The following ME3 variants were observed in gnomAD, a reference collection of about 807,000 sequenced individuals.
The protein encoded by ME3 is NADP-dependent malic enzyme, mitochondrial.
In ME3, 48 loss-of-function variants were observed where a neutral mutation model predicts 68.9. That is an observed-to-expected ratio of 0.70 (90% confidence interval 0.55 to 0.89). The LOEUF (loss-of-function observed/expected upper bound fraction) is 0.89, where lower values mean the gene tolerates loss of function less well. Among genes scored for constraint, ME3 ranks in the 40% least tolerant of loss-of-function variants. The pLI is 0.00. For synonymous variants in ME3, 320 were observed against 318.8 expected (o/e 1.00, Z -0.04); for missense variants, 675 against 797.4 (o/e 0.85, Z 1.85).
intron 2 of ME3, among the ~76,000 whole-genome samples, chr11:86,621,283 T>G (rs1423857355): frequency 6.6e-6 from 1 of 152,244 alleles, no homozygotes; most frequent in Non-Finnish European, 1.5e-5. Flanking sequence ...AATCCAGGCC[T>G]AAGGCCAGTA....
chr11:86,601,057 GC>G (rs1433307678), intron 2 of ME3, among the ~76,000 whole-genome samples: 1 of 151,922 alleles, frequency 6.6e-6, no homozygotes, highest in East Asian at 1.9e-4. Flanking sequence ...AAAAGGAAGA[GC>G]AAACACATTC....
At chr11:86,447,012 T>C in intron 12 of ME3, 53 bp downstream of exon 12, 1 of 1,591,870 alleles carries the variant, frequency 6.3e-7, no homozygotes, top group East Asian at 2.2e-5. Context: ...GGTTACTCAT[T>C]GTAATTGTTA....
intron 2 of ME3, among the ~76,000 whole-genome samples, chr11:86,584,095 T>C (rs1310259977): frequency 6.6e-6 from 1 of 152,150 alleles, no homozygotes; most frequent in Non-Finnish European, 1.5e-5. Flanking sequence ...CCAAAATATA[T>C]AAGGAACTCT....
chr11:86,576,494 TG>T (rs1188892409), intron 2 of ME3, among the ~76,000 whole-genome samples: 1 of 152,094 alleles, frequency 6.6e-6, no homozygotes, highest in Non-Finnish European at 1.5e-5. Context: ...AATCTCAGAG[TG>T]GGGCTCAGGA....
chr11:86,467,228 T>C (rs1555203924), intron 7 of ME3, among the ~76,000 whole-genome samples: 2 of 152,178 alleles, frequency 1.3e-5, no homozygotes, highest in Non-Finnish European at 1.5e-5. Flanking sequence ...AATACAGTAT[T>C]ACTAACTGAA....
At chr11:86,618,351 C>T (rs576053560) in intron 2 of ME3, among the ~76,000 whole-genome samples, 1 of 115,724 alleles carries the variant, frequency 8.6e-6, no homozygotes, top group Non-Finnish European at 1.8e-5. Context: ...AACTACCTAA[C>T]ATAAATCACC....
chr11:86,577,960 T>G (rs148946508), intron 2 of ME3, among the ~76,000 whole-genome samples: 36 of 152,336 alleles, frequency 2.4e-4, no homozygotes, highest in African/African-American at 7.7e-4. Context: ...TCAATTGTTT[T>G]GCTATTGAAA....
In ME3 at chr11:86,517,778, A is replaced by G. The variant is rs562274714; in HGVS notation, c.468-8911T>C. ...TAGACTCATGTTCCCTGAGGGCAGG[A>G]TGACATTTGTTCCCAGGGCCTAGCG... On this transcript the variant is annotated intron_variant, in intron 4 of 14. Transcript: ENST00000543262. Among the ~76,000 whole-genome samples the G allele has an allele frequency of 2.6e-4, 39 of 152,284 alleles. No homozygotes were observed. In the South Asian group the frequency reaches 8.1e-3, roughly 32 times the overall value.
chr11:86,644,119 T>C (rs1481389896), intron 2 of ME3, among the ~76,000 whole-genome samples: 1 of 152,130 alleles, frequency 6.6e-6, no homozygotes, highest in Non-Finnish European at 1.5e-5. Flanking sequence ...GAGCGGAACA[T>C]ACAGACTGGG....
intron 4 of ME3, among the ~76,000 whole-genome samples, chr11:86,540,381 A>G (rs1045294812): frequency 2.0e-5 from 3 of 152,260 alleles, no homozygotes; most frequent in South Asian, 2.1e-4. Flanking sequence ...TTAGCCCTGT[A>G]TGTAAGCCCC....
chr11:86,519,033 A>G (rs1189929736), intron 4 of ME3, among the ~76,000 whole-genome samples: 1 of 152,200 alleles, frequency 6.6e-6, no homozygotes, highest in Non-Finnish European at 1.5e-5. Flanking sequence ...TGTTAGAACT[A>G]TGAGAAAATA....
intron 4 of ME3, 48 bp downstream of exon 4, chr11:86,556,505 C>T: frequency 6.3e-7 from 1 of 1,583,194 alleles, no homozygotes; most frequent in Non-Finnish European, 8.6e-7. Flanking sequence ...AATTTATTCC[C>T]CTCTATGAGG....
chr11:86,457,737 G>C (rs1040333931), intron 8 of ME3: 1 of 1,287,022 alleles, frequency 7.8e-7, no homozygotes, highest in Non-Finnish European at 1.0e-6. Context: ...GCCATGGGCA[G>C]CTGAAAGTGT....
intron 4 of ME3, among the ~76,000 whole-genome samples, chr11:86,545,185 A>G (rs1667918374): frequency 6.6e-6 from 1 of 152,362 alleles, no homozygotes. Flanking sequence ...AATAAGAGCT[A>G]TTTATGACAA....
chr11:86,462,207 C>T (rs1950256320), intron 8 of ME3, among the ~76,000 whole-genome samples: 2 of 152,120 alleles, frequency 1.3e-5, no homozygotes, highest in Admixed American at 6.5e-5. Context: ...TTTTTCAATA[C>T]ATATATTTTT....
At chr11:86,657,791 T>G (rs2135472105) in intron 2 of ME3, among the ~76,000 whole-genome samples, 1 of 152,352 alleles carries the variant, frequency 6.6e-6, no homozygotes, top group Admixed American at 6.5e-5. Context: ...TCTTTCTCAC[T>G]AGATTGTACA....
intron 2 of ME3, among the ~76,000 whole-genome samples, chr11:86,596,374 C>T (rs1308306083): frequency 6.6e-6 from 1 of 152,206 alleles, no homozygotes; most frequent in African/African-American, 2.4e-5. Flanking sequence ...AATTTTAATA[C>T]TTTCATCATG....
chr11:86,508,833 G>A (rs761301606), exon 5 of ME3: 6 of 1,613,732 alleles, frequency 3.7e-6, no homozygotes, highest in South Asian at 1.1e-5. Context: ...ATTGTTGCAA[G>A]ATGACCTTTG....
chr11:86,571,111 G>A (rs1957766135), intron 2 of ME3, among the ~76,000 whole-genome samples: 2 of 152,190 alleles, frequency 1.3e-5, no homozygotes, highest in South Asian at 4.1e-4. Flanking sequence ...TTTGGCAATT[G>A]CACTTCATAG....
Sources: allele counts gnomAD v4.1 joint callset (sites outside exome capture counted in the v4.1 genomes callset), GRCh38; gene constraint gnomAD v4.1.1; transcripts MANE v1.5; gene names NCBI Gene and HGNC (gene_info 2026-07-23, HGNC 2026-07-21).